The following EVC2 variants were observed in gnomAD, a reference collection of about 807,000 sequenced individuals.
The protein encoded by EVC2 is EvC ciliary complex subunit 2.
Under a neutral mutation model 149.3 loss-of-function variants are expected in EVC2, and 148 were observed. The ratio of observed to expected loss-of-function variants is 0.99; its 90% CI spans 0.87 to 1.14. The LOEUF (loss-of-function observed/expected upper bound fraction) is 1.14, where lower values mean the gene tolerates loss of function less well. EVC2 is among the 50% of genes most tolerant of loss of function. The pLI is 0.00. For missense variants in EVC2, 1,854 were observed against 1,627.3 expected (o/e 1.14, Z -2.40); for synonymous variants, 776 against 649.9 (o/e 1.19, Z -2.95).
downstream of EVC2, among the ~76,000 whole-genome samples, chr4:5,557,450 A>G (rs985896028): frequency 2.0e-5 from 3 of 152,192 alleles, no homozygotes; most frequent in Non-Finnish European, 4.4e-5. Flanking sequence ...AGCTAATCTC[A>G]TACTTAAATA....
At chr4:5,681,443 C>G (rs1720339295) in intron 6 of EVC2, 130 bp from the exon 7 acceptor site, 2 of 903,144 alleles carry the variant, frequency 2.2e-6, no homozygotes, top group South Asian at 1.4e-5. Flanking sequence ...CAGGTCAGAG[C>G]TTGTGAAGGT....
intron 16 of EVC2, among the ~76,000 whole-genome samples, chr4:5,591,451 C>T (rs962682848): frequency 6.6e-6 from 1 of 150,938 alleles, no homozygotes; most frequent in Non-Finnish European, 1.5e-5. Flanking sequence ...GTGTGGTCTC[C>T]ATCTTCCCCT....
At chr4:5,684,302 T>C (rs1380155228) in intron 6 of EVC2, among the ~76,000 whole-genome samples, 1 of 152,216 alleles carries the variant, frequency 6.6e-6, no homozygotes, top group African/African-American at 2.4e-5. Context: ...GTTTTTTGTT[T>C]TGTTTTGTTT....
At chr4:5,590,471 C>T (rs1372824464) in intron 16 of EVC2, among the ~76,000 whole-genome samples, 1 of 151,578 alleles carries the variant, frequency 6.6e-6, no homozygotes, top group Non-Finnish European at 1.5e-5. Flanking sequence ...CCCTCACTAA[C>T]CATCATTAGG....
At chr4:5,557,429 A>T (rs962006405) in intron 21 of EVC2, among the ~76,000 whole-genome samples, 2 of 152,308 alleles carry the variant, frequency 1.3e-5, no homozygotes, top group Admixed American at 1.3e-4. Flanking sequence ...AAAAATACAT[A>T]AAAAACCTAT....
At chr4:5,565,601 A>AG (rs1195359756) in intron 20 of EVC2, among the ~76,000 whole-genome samples, 1 of 149,692 alleles carries the variant, frequency 6.7e-6, no homozygotes, top group East Asian at 2.0e-4. Context: ...TGAACCCAGG[A>AG]GGCGGAGGTT....
chr4:5,671,696 G>A (rs1304423408), intron 7 of EVC2, among the ~76,000 whole-genome samples: 1 of 152,080 alleles, frequency 6.6e-6, no homozygotes, highest in Admixed American at 6.5e-5. Flanking sequence ...ACTTTTTGTA[G>A]AGACGGGGTT....
In EVC2 at chr4:5,618,976, C is replaced by CTCACT. The variant is rs1459594789; in HGVS notation, c.2502-299_2502-295dup. ...CCCACGACCTTGCAATTAACCTGGT[C>CTCACT]TCACTTCAGAAACAGACGTGTAAAC... On this transcript the variant is annotated intron_variant, in intron 14 of 21. Transcript: ENST00000344408. This position sits in a 1 kb window ranked among gnomAD's most constrained non-coding sequence, Gnocchi z 4.4. Among the ~76,000 whole-genome samples the CTCACT allele has an allele frequency of 1.3e-5, 2 of 152,174 alleles. No individual in the cohort carries two copies. The highest frequency in any genetic ancestry group is 4.8e-5 in the African/African-American group (2 of 41,422).
At chr4:5,650,803 G>T (rs567203047) in intron 9 of EVC2, among the ~76,000 whole-genome samples, 4 of 152,058 alleles carry the variant, frequency 2.6e-5, no homozygotes, top group African/African-American at 9.6e-5. Flanking sequence ...ACAGAACTGG[G>T]ATTTGAACTC....
chr4:5,682,695 C>T (rs1258295708), intron 6 of EVC2, among the ~76,000 whole-genome samples: 1 of 150,558 alleles, frequency 6.6e-6, no homozygotes, highest in Non-Finnish European at 1.5e-5. Context: ...CCTGTCTCTA[C>T]TAAAAATACA....
At chr4:5,609,989 G>C (rs915094406) in intron 16 of EVC2, among the ~76,000 whole-genome samples, 1 of 152,180 alleles carries the variant, frequency 6.6e-6, no homozygotes, top group African/African-American at 2.4e-5. Flanking sequence ...ACAAGGCACA[G>C]GTCAGTATAG....
intron 9 of EVC2, 43 bp downstream of exon 9, chr4:5,663,064 T>G: frequency 6.2e-7 from 1 of 1,612,060 alleles, no homozygotes; most frequent in Non-Finnish European, 8.5e-7. Flanking sequence ...CGTTAAAACA[T>G]TCATCACATG....
chr4:5,579,882 G>C (rs1438705294), intron 17 of EVC2, among the ~76,000 whole-genome samples: 1 of 152,078 alleles, frequency 6.6e-6, no homozygotes, highest in Admixed American at 6.6e-5. Context: ...GGTGAGGCTT[G>C]GGAAAGTAAA....
At chr4:5,550,045 T>C (rs1053244804) in intron 21 of EVC2, among the ~76,000 whole-genome samples, 3 of 152,346 alleles carry the variant, frequency 2.0e-5, no homozygotes, top group Non-Finnish European at 2.9e-5. Flanking sequence ...CATGTGAAAC[T>C]GTAAGTCTAT....
intron 1 of EVC2, among the ~76,000 whole-genome samples, chr4:5,697,892 C>T (rs1274929200): frequency 6.6e-6 from 1 of 151,722 alleles, no homozygotes; most frequent in Non-Finnish European, 1.5e-5. Flanking sequence ...ACTACAGGCG[C>T]CCACCACCAC....
chr4:5,615,728 T>C (rs1715198526), intron 15 of EVC2, among the ~76,000 whole-genome samples, 184 bp from the exon 16 acceptor site: 1 of 152,166 alleles, frequency 6.6e-6, no homozygotes, highest in South Asian at 2.1e-4. Context: ...TTCAGAGCCT[T>C]TGATCTTCAC....
intron 6 of EVC2, among the ~76,000 whole-genome samples, chr4:5,682,519 A>G (rs548504769): frequency 1.3e-5 from 2 of 150,550 alleles, no homozygotes; most frequent in South Asian, 4.2e-4. Context: ...TAATAATAAA[A>G]TTTTTTAAAA....
intron 16 of EVC2, among the ~76,000 whole-genome samples, chr4:5,593,792 G>A (rs1466088670): frequency 6.6e-6 from 1 of 152,176 alleles, no homozygotes; most frequent in Non-Finnish European, 1.5e-5. Flanking sequence ...GAAGCACAAG[G>A]GGTCAGGGAG....
rs114183530 is a variant in EVC2, at chr4:5,588,973, C to T, written c.2830-4123G>A. Among the ~76,000 whole-genome samples the T allele has an allele frequency of 5.8e-3, 881 of 152,348 alleles. 5 individuals are homozygous for T. Among genetic ancestry groups the T allele is most frequent in the African/African-American group, 0.02 (816 of 41,588 alleles). On this transcript the variant is annotated intron_variant, in intron 16 of 21. Coordinates refer to ENST00000344408, the MANE Select transcript of EVC2 (RefSeq NM_147127.5). ...AAATGCCATTCTCTGTCAATTCTAA[C>T]ATCTGTGTCAGTTCTGGATTGGTTT... is the stretch of plus-strand genomic sequence containing the variant.
Sources: allele counts gnomAD v4.1 joint callset (sites outside exome capture counted in the v4.1 genomes callset), GRCh38; gene constraint gnomAD v4.1.1; non-coding constraint Gnocchi (gnomAD v3.1); transcripts MANE v1.5; gene names NCBI Gene and HGNC (gene_info 2026-07-23, HGNC 2026-07-21).